The following ADK variants were observed in gnomAD, a reference collection of about 807,000 sequenced individuals.
ADK encodes the protein N6,N6-dimethyladenosine kinase.
A neutral mutation model predicts 44.7 loss-of-function variants in ADK; 24 were observed. The ratio of observed to expected loss-of-function variants is 0.54; its 90% confidence interval spans 0.39 to 0.76. ADK has a LOEUF of 0.76. Ranked by LOEUF, ADK falls within the 30% of genes least tolerant of loss-of-function variation. ADK has a pLI of 0.00. For synonymous variants in ADK, 128 were observed against 142.6 expected (o/e 0.90, Z 0.73); for missense variants, 321 against 425.1 (o/e 0.76, Z 2.15).
intron 7 of ADK, among the ~76,000 whole-genome samples, chr10:74,584,083 A>C (rs1230248111): frequency 1.3e-5 from 2 of 152,230 alleles, no homozygotes; most frequent in Admixed American, 6.5e-5. Context: ...GGTCTAGAGC[A>C]CATTCAAGGG....
intron 6 of ADK, among the ~76,000 whole-genome samples, chr10:74,436,796 T>G (rs2133112642): frequency 6.6e-6 from 1 of 152,268 alleles, no homozygotes; most frequent in African/African-American, 2.4e-5. Context: ...ACGATGAAAC[T>G]TTTATGAAAA....
chr10:74,368,195 C>T (rs563580110), intron 4 of ADK, among the ~76,000 whole-genome samples: 1 of 152,268 alleles, frequency 6.6e-6, no homozygotes, highest in East Asian at 1.9e-4. Context: ...GAACATGGCT[C>T]ACTGCAGTTT....
chr10:74,502,873 G>A (rs1847929073), intron 6 of ADK, among the ~76,000 whole-genome samples: 1 of 152,006 alleles, frequency 6.6e-6, no homozygotes, highest in Non-Finnish European at 1.5e-5. Context: ...CTCATTTTAA[G>A]GGAAAACTTT....
intron 4 of ADK, among the ~76,000 whole-genome samples, chr10:74,328,697 A>G (rs1000527404): frequency 5.9e-5 from 9 of 152,166 alleles, no homozygotes; most frequent in African/African-American, 2.2e-4. Flanking sequence ...TCCTGCCACC[A>G]TGTGAAGAAG....
At chr10:74,429,545 A>T (rs1288754838) in intron 6 of ADK, among the ~76,000 whole-genome samples, 1 of 152,228 alleles carries the variant, frequency 6.6e-6, no homozygotes, top group African/African-American at 2.4e-5. Context: ...GAAGAAAGAG[A>T]TTTAAAAAAT....
chr10:74,348,309 T>G (rs928950980), intron 4 of ADK, among the ~76,000 whole-genome samples: 2 of 152,058 alleles, frequency 1.3e-5, no homozygotes, highest in Non-Finnish European at 2.9e-5. Context: ...GGAGTGGACT[T>G]AAAGCAAACT....
At chr10:74,426,004 TTAATG>T (rs1844782434) in intron 6 of ADK, among the ~76,000 whole-genome samples, 1 of 152,158 alleles carries the variant, frequency 6.6e-6, no homozygotes, top group African/African-American at 2.4e-5. Context: ...GTTTGTAAAT[TTAATG>T]TATTTTTCTT....
chr10:74,439,662 A>G (rs1287239181), intron 6 of ADK, among the ~76,000 whole-genome samples: 1 of 152,176 alleles, frequency 6.6e-6, no homozygotes, highest in Non-Finnish European at 1.5e-5. Flanking sequence ...TATATTGAAA[A>G]TGATTAGTTA....
chr10:74,708,225 G>T, intron 10 of ADK, 96 bp from the exon 11 acceptor site: 2 of 1,273,070 alleles, frequency 1.6e-6, no homozygotes, highest in East Asian at 2.7e-5. Flanking sequence ...GCTGAAGAAT[G>T]AGACAGGTGC....
intron 9 of ADK, chr10:74,641,640 A>G: frequency 6.6e-6 from 1 of 152,260 alleles, no homozygotes; most frequent in Non-Finnish European, 1.5e-5. Context: ...ATTCAGGCCC[A>G]TTACTACATA....
chr10:74,342,938 C>T (rs1841634729), intron 4 of ADK, among the ~76,000 whole-genome samples: 1 of 151,990 alleles, frequency 6.6e-6, no homozygotes, highest in African/African-American at 2.4e-5. Context: ...GTTGTGTTTC[C>T]TTCTTTCTTT....
chr10:74,565,274 A>G (rs1850617032), intron 7 of ADK, among the ~76,000 whole-genome samples: 2 of 152,204 alleles, frequency 1.3e-5, no homozygotes, highest in African/African-American at 2.4e-5. Context: ...CATTACTACT[A>G]TATCCTTAAC....
At chr10:74,613,537 A>G (rs751813301) in intron 9 of ADK, among the ~76,000 whole-genome samples, 58 of 151,984 alleles carry the variant, frequency 3.8e-4, no homozygotes, top group Non-Finnish European at 3.8e-4. Flanking sequence ...TTACATCCCA[A>G]TGCCCTTTGT....
At chr10:74,283,882 G>A (rs905211996) in intron 3 of ADK, among the ~76,000 whole-genome samples, 1 of 151,322 alleles carries the variant, frequency 6.6e-6, no homozygotes, top group African/African-American at 2.4e-5. Context: ...GGGTTTCACC[G>A]TGTTAGCCTG....
intron 10 of ADK, among the ~76,000 whole-genome samples, chr10:74,701,671 A>G (rs989290146): frequency 1.3e-5 from 2 of 152,230 alleles, no homozygotes; most frequent in African/African-American, 4.8e-5. Flanking sequence ...TGGGCCAAGC[A>G]TGGTGTCTCA....
chr10:74,349,503 CAATTAGTGTGTAA>C (rs1296558812), intron 4 of ADK, among the ~76,000 whole-genome samples: 2 of 152,146 alleles, frequency 1.3e-5, no homozygotes, highest in Admixed American at 1.3e-4. Flanking sequence ...GAAACTGCTT[CAATTAGTGTGTAA>C]AATAACCTGC....
chr10:74,676,931 C>G (rs1276279594), intron 10 of ADK, among the ~76,000 whole-genome samples: 2 of 152,144 alleles, frequency 1.3e-5, no homozygotes, highest in African/African-American at 4.8e-5. Flanking sequence ...TATTTCCCAT[C>G]TAATAAAAAG....
intron 9 of ADK, chr10:74,656,049 G>A (rs1471757812): frequency 1.0e-5 from 5 of 490,498 alleles, no homozygotes; most frequent in Admixed American, 2.6e-5. Flanking sequence ...GAGTAGGACT[G>A]GGGAGATGAT....
At chr10:74,430,842 A>G (rs1238541277) in intron 6 of ADK, among the ~76,000 whole-genome samples, 1 of 151,998 alleles carries the variant, frequency 6.6e-6, no homozygotes, top group Non-Finnish European at 1.5e-5. Flanking sequence ...AGAAGGAAAT[A>G]TGCCTAGAGT....
Sources: allele counts gnomAD v4.1 joint callset (sites outside exome capture counted in the v4.1 genomes callset), GRCh38; gene constraint gnomAD v4.1.1; transcripts MANE v1.5; gene names NCBI Gene and HGNC (gene_info 2026-07-23, HGNC 2026-07-21).